Variants in TACR3 observed in about 807,000 individuals in gnomAD.
TACR3 encodes the protein tachykinin receptor 3, also known as neuromedin-K receptor.
TACR3 carries 34 observed loss-of-function variants against 35.0 expected under a neutral mutation model. That is an observed-to-expected ratio of 0.97 (90% CI 0.74 to 1.30). The LOEUF (loss-of-function observed/expected upper bound fraction) is 1.30. TACR3 is among the 50% of genes most tolerant of loss of function. The pLI, the probability that TACR3 is intolerant of heterozygous loss-of-function variation, is 0.00. For synonymous variants in TACR3, 233 were observed against 221.1 expected (o/e 1.05, Z -0.48); for missense variants, 558 against 591.7 (o/e 0.94, Z 0.59).
chr4:103,680,992 TA>T lies in TACR3; in HGVS notation c.549-22590del, dbSNP rs568664983. On this transcript the variant is annotated intron_variant, in intron 1 of 4. Coordinates refer to ENST00000304883, the MANE Select transcript of TACR3 (RefSeq NM_001059.3). ...CTCTAAGCTTTCTCTTTCTTCCTTA[TA>T]TTTTTTTTCTATTTTAATAGGTTTG... is the stretch of plus-strand genomic sequence containing the variant. Among the ~76,000 whole-genome samples, 483 of 151,894 alleles carry T rather than the reference TA, an allele frequency of 3.2e-3. 3 individuals are homozygous for T. Among genetic ancestry groups the T allele is most frequent in the African/African-American group, 0.011 (440 of 41,344 alleles).
chr4:103,682,164 T>A (rs991399862), intron 1 of TACR3, among the ~76,000 whole-genome samples: 1 of 152,140 alleles, frequency 6.6e-6, no homozygotes, highest in Non-Finnish European at 1.5e-5. Context: ...ATGGAATCTT[T>A]CTCTCTTGGC....
intron 1 of TACR3, among the ~76,000 whole-genome samples, chr4:103,671,079 T>C (rs1445036928): frequency 3.3e-5 from 5 of 152,078 alleles, no homozygotes; most frequent in Non-Finnish European, 7.4e-5. Flanking sequence ...ATCTATTTTT[T>C]GTCTTTCATT....
intron 3 of TACR3, among the ~76,000 whole-genome samples, chr4:103,602,085 C>G (rs1724218961): frequency 6.6e-6 from 1 of 152,132 alleles, no homozygotes; most frequent in Non-Finnish European, 1.5e-5. Flanking sequence ...TTGTTCATTT[C>G]TTTTTATTCT....
intron 1 of TACR3, among the ~76,000 whole-genome samples, chr4:103,698,328 TATA>T (rs1241385155): frequency 1.3e-5 from 2 of 152,132 alleles, no homozygotes; most frequent in African/African-American, 4.8e-5. Flanking sequence ...ACTTATACAA[TATA>T]AATACTCAAT....
chr4:103,631,275 G>A (rs76119671), intron 3 of TACR3, among the ~76,000 whole-genome samples: 3,593 of 151,982 alleles, frequency 0.024, 131 homozygotes, highest in African/African-American at 0.082. Context: ...ATGTATACCT[G>A]TGTATCAACA....
intron 1 of TACR3, among the ~76,000 whole-genome samples, chr4:103,718,651 A>G (rs1436304483): frequency 6.6e-6 from 1 of 152,152 alleles, no homozygotes; most frequent in Non-Finnish European, 1.5e-5. Flanking sequence ...ATAGGGAAGG[A>G]TGAGGATGAG....
intron 3 of TACR3, among the ~76,000 whole-genome samples, chr4:103,595,142 G>T (rs1723977971): frequency 6.6e-6 from 1 of 152,186 alleles, no homozygotes; most frequent in Admixed American, 6.6e-5. Context: ...AGATGTGCAG[G>T]TGCTATGAGC....
intron 3 of TACR3, among the ~76,000 whole-genome samples, chr4:103,594,773 CACAT>C (rs1478818512): frequency 3.3e-5 from 5 of 152,086 alleles, no homozygotes; most frequent in East Asian, 1.9e-4. Context: ...GCTTTTAACT[CACAT>C]ACAGAGGGCC....
intron 3 of TACR3, among the ~76,000 whole-genome samples, chr4:103,650,534 T>TATAAATATATAAAATAAATATAATAAA (rs1725569124): frequency 7.8e-6 from 1 of 127,696 alleles, no homozygotes; most frequent in Admixed American, 9.7e-5. Context: ...ATTATTTATA[T>TATAAATATATAAAATAAATATAATAAA]ATAAATATAT....
intron 1 of TACR3, among the ~76,000 whole-genome samples, chr4:103,688,725 C>T (rs1486498190): frequency 1.4e-4 from 21 of 150,798 alleles, no homozygotes; most frequent in Admixed American, 2.6e-4. Context: ...GTTAGAATGG[C>T]GATCATTAAA....
rs1490577983 is a variant in TACR3, at chr4:103,586,216, T to C, written c.*3466A>G. On this transcript the variant is annotated 3_prime_UTR_variant, in exon 5 of 5. Transcript: ENST00000304883. ...TTCTTATATAAACAGATTTTTCATA[T>C]ATATATATATATGTATGAAAACACA... is the stretch of plus-strand genomic sequence containing the variant. 2 of 151,778 alleles carry C rather than the reference T, an allele frequency of 1.3e-5. No homozygotes were observed. Among genetic ancestry groups the C allele is most frequent in the African/African-American group, 4.8e-5 (2 of 41,336 alleles). The allele number at this position is 151,778 out of a possible 1,614,324, so 9.4% of individuals were successfully genotyped here.
At position 103,633,599 on chromosome 4, in the gene TACR3, A is replaced by G. The variant is rs146429915; in HGVS notation, c.888+22595T>C. On this transcript the variant is annotated intron_variant, in intron 3 of 4. Coordinates refer to ENST00000304883, the MANE Select transcript of TACR3 (RefSeq NM_001059.3). ...CCCACAAGTCCCCAAAGTCCACTGTACCATTTTTATGACTTTGTGTCCTCA... is the reference window on the plus strand; with the variant it reads ...CCCACAAGTCCCCAAAGTCCACTGTGCCATTTTTATGACTTTGTGTCCTCA... 9.2e-5 allele frequency among the ~76,000 whole-genome samples: 14 copies of G among 152,136 alleles called. No homozygotes were observed. In the East Asian group the frequency reaches 2.7e-3, roughly 30 times the overall value.
intron 3 of TACR3, among the ~76,000 whole-genome samples, chr4:103,614,923 C>G (rs1426807735): frequency 1.5e-5 from 1 of 65,704 alleles, no homozygotes; most frequent in East Asian, 6.3e-4. Context: ...GAGACAGAGT[C>G]TTGCTCTGTC....
chr4:103,613,400 A>C (rs1469511261), intron 3 of TACR3, among the ~76,000 whole-genome samples: 1 of 151,988 alleles, frequency 6.6e-6, no homozygotes, highest in African/African-American at 2.4e-5. Context: ...GCTCACTGCA[A>C]CCTCTGCCTT....
chr4:103,626,990 T>G (rs994383220), intron 3 of TACR3, among the ~76,000 whole-genome samples: 2 of 149,948 alleles, frequency 1.3e-5, no homozygotes, highest in East Asian at 2.0e-4. Context: ...CTGGCCAACA[T>G]AGCAAAACCC....
Position 103,656,195 on chromosome 4 carries a change from T to C in TACR3, c.887A>G (p.Lys296Arg). 2 of 1,612,896 alleles carry C rather than the reference T, an allele frequency of 1.2e-6. No individual in the cohort carries two copies. Among genetic ancestry groups the C allele is most frequent in the Non-Finnish European group, 1.7e-6 (2 of 1,179,150 alleles). ...KYHEQLKAKR[K>R]VVKMMIIVVM... ...TAGGTAAACAACATGGACCAGTACC[T>C]TTCTTTTGGCCTTTAGCTGCTCATG... The change falls in exon 3 of 5, where the codon AAG becomes AGG. Residue 296 changes from lysine to arginine, a missense_variant and splice_region_variant. By Grantham distance (26) the Lys-to-Arg change is conservative (BLOSUM62 2). Coordinates refer to ENST00000304883, the MANE Select transcript of TACR3 (RefSeq NM_001059.3).
At chr4:103,597,084 C>A (rs1937783192) in intron 3 of TACR3, among the ~76,000 whole-genome samples, 3 of 151,780 alleles carry the variant, frequency 2.0e-5, no homozygotes, top group South Asian at 4.1e-4. Flanking sequence ...GTCTTTATAG[C>A]AGCATAATTT....
intron 1 of TACR3, among the ~76,000 whole-genome samples, chr4:103,699,598 A>G (rs1250914781): frequency 1.3e-5 from 2 of 152,194 alleles, no homozygotes; most frequent in South Asian, 2.1e-4. Flanking sequence ...TGAGTATTGT[A>G]GTAATTTAGG....
chr4:103,672,742 T>C (rs1392681952), intron 1 of TACR3, among the ~76,000 whole-genome samples: 2 of 152,158 alleles, frequency 1.3e-5, no homozygotes, highest in African/African-American at 4.8e-5. Flanking sequence ...TAACAGAGTC[T>C]GCCTGTCATT....
Sources: gnomAD v4.1 joint callset for allele counts (sites outside exome capture counted in the v4.1 genomes callset) on GRCh38, gnomAD v4.1.1 for gene constraint, MANE v1.5 for transcripts, NCBI Gene and HGNC (gene_info 2026-07-23, HGNC 2026-07-21) for gene names.